NCAPG: variants seen among roughly 807,000 people sequenced by gnomAD.
NCAPG encodes non-SMC condensin I complex subunit G, also known as condensin complex subunit 3.
NCAPG carries 69 observed loss-of-function variants against 113.1 expected under a neutral mutation model. That is an observed-to-expected ratio of 0.61 (90% confidence interval 0.50 to 0.75). The LOEUF (loss-of-function observed/expected upper bound fraction) is 0.75. NCAPG is among the 30% of genes least tolerant of loss of function. The pLI is 0.00. For missense variants in NCAPG, 1,058 were observed against 1,177.0 expected, an observed-to-expected ratio of 0.90 and a Z score of 1.48; for synonymous variants, 370 against 415.8, an observed-to-expected ratio of 0.89 and a Z score of 1.34.
intron 12 of NCAPG, 37 bp downstream of exon 12, chr4:17,828,425 C>T: frequency 8.4e-7 from 1 of 1,187,268 alleles, no homozygotes; most frequent in South Asian, 1.4e-5. Flanking sequence ...TTTTAGTCCA[C>T]TCCTTTCTTA....
intron 7 of NCAPG, among the ~76,000 whole-genome samples, chr4:17,821,762 GCGACATTTT>G (rs976211328): frequency 9.1e-5 from 13 of 142,984 alleles, no homozygotes; most frequent in African/African-American, 3.6e-4. Flanking sequence ...ACTGTGCCCG[GCGACATTTT>G]TGACATTTTT....
intron 14 of NCAPG, 60 bp from the exon 15 acceptor site, chr4:17,837,099 T>C (rs1722129767): frequency 3.4e-6 from 5 of 1,482,768 alleles, no homozygotes; most frequent in Admixed American, 3.5e-5. Context: ...ACAGGCTACA[T>C]TGAGAGGCTT....
Position 17,817,254 on chromosome 4 carries a change from T to C in NCAPG, c.776-7T>C. On this transcript the variant is annotated splice_polypyrimidine_tract_variant and splice_region_variant and intron_variant, in intron 5 of 20. Coordinates refer to ENST00000251496, the MANE Select transcript of NCAPG (RefSeq NM_022346.5). ...TTTGTTCACCTATGTTTCAAATGAC[T>C]CAATAGATGCTGTGAAACAAGCTAT... 6.2e-7 allele frequency: 1 copy of C among 1,607,386 alleles called. No individual in the cohort carries two copies. Among genetic ancestry groups the C allele is most frequent in the South Asian group, 1.1e-5 (1 of 90,258 alleles).
Position 17,842,378 on chromosome 4 carries a change from A to G in NCAPG, c.2923A>G (p.Ser975Gly), listed in dbSNP as rs2109073853. The G allele has an allele frequency of 1.2e-5, 20 of 1,611,508 alleles. No homozygotes were observed. The highest frequency in any genetic ancestry group is 1.6e-5 in the Non-Finnish European group (19 of 1,177,958). Residue 975 changes from serine (S) to glycine (G), a missense_variant and splice_region_variant, in exon 20 of 21, where the codon AGT becomes GGT. Transcript: ENST00000251496. Reference protein sequence around the residue: ...RCQTAEADSESDHEVPEPESE... With the variant: ...RCQTAEADSEGDHEVPEPESE... ...TCAGACTGCTGAAGCCGACTCTGAA[A>G]GGTATGTCATGCATGTCTAGAATAT...
intron 13 of NCAPG, among the ~76,000 whole-genome samples, chr4:17,832,010 T>C (rs1037132477): frequency 3.3e-5 from 5 of 152,216 alleles, no homozygotes; most frequent in Non-Finnish European, 5.9e-5. Flanking sequence ...TCCTCAGCTT[T>C]GCTTTTGTAG....
intron 19 of NCAPG, chr4:17,841,296 C>A (rs1337724485): frequency 1.3e-5 from 2 of 151,958 alleles, no homozygotes; most frequent in Admixed American, 1.3e-4. Flanking sequence ...ATAAGGAACA[C>A]TAATAATCCC....
rs980151744 is a variant in NCAPG, at chr4:17,837,393, C to G, written c.2291+53C>G. 8 of 1,475,584 alleles carry G rather than the reference C, an allele frequency of 5.4e-6. No homozygotes were observed. In the African/African-American group the frequency reaches 1.1e-4, roughly 21 times the overall value. 91.4% of individuals were successfully genotyped at this position (1,475,584 alleles called of 1,614,324 possible). ...ATCTGACTTGACATCAAATTCAAGT[C>G]CCCCATGAATTATATCTATAATGAT... On this transcript the variant is annotated intron_variant, in intron 15 of 20. Coordinates refer to ENST00000251496, the MANE Select transcript of NCAPG (RefSeq NM_022346.5).
chr4:17,814,344 G>A (rs1012526615), intron 3 of NCAPG, among the ~76,000 whole-genome samples: 1 of 152,132 alleles, frequency 6.6e-6, no homozygotes, highest in Non-Finnish European at 1.5e-5. Flanking sequence ...AGTGACTCAG[G>A]CCTGTAATCT....
At position 17,817,458 on chromosome 4, in the gene NCAPG, A is replaced by C. The variant is rs747676910; in HGVS notation, c.968+5A>C. ...CTGTAAAAACAATGATGGCAGGTAC[A>C]TAAAGGATTCATTCTTTGAAATGTA... On this transcript the variant is annotated splice_donor_5th_base_variant and intron_variant, in intron 6 of 20. Coordinates refer to ENST00000251496, the MANE Select transcript of NCAPG (RefSeq NM_022346.5). 6.2e-7 allele frequency: 1 copy of C among 1,611,038 alleles called. No individual in the cohort carries two copies. Among genetic ancestry groups the C allele is most frequent in the Admixed American group, 1.7e-5 (1 of 59,662 alleles).
chr4:17,834,606 A>G (rs1011391443), intron 14 of NCAPG, 83 bp downstream of exon 14: 4 of 919,830 alleles, frequency 4.3e-6, no homozygotes, highest in African/African-American at 1.7e-5. Flanking sequence ...TAAATTTATT[A>G]TAGTTTAAGT....
chr4:17,817,485 T>C, intron 6 of NCAPG, 32 bp downstream of exon 6: 1 of 1,564,764 alleles, frequency 6.4e-7, no homozygotes, highest in Non-Finnish European at 8.8e-7. Context: ...TGAAATGTAG[T>C]ACTGATTAAC....
At chr4:17,828,652 T>C (rs1486057198) in intron 12 of NCAPG, among the ~76,000 whole-genome samples, 3 of 152,148 alleles carry the variant, frequency 2.0e-5, no homozygotes, top group Non-Finnish European at 4.4e-5. Flanking sequence ...AATATCTTCA[T>C]TTTTTGAATA....
intron 12 of NCAPG, among the ~76,000 whole-genome samples, chr4:17,830,558 T>TC (rs1404280358): frequency 6.6e-6 from 1 of 151,642 alleles, no homozygotes; most frequent in Non-Finnish European, 1.5e-5. Flanking sequence ...TTTCACTTTT[T>TC]TTTTTTTTTT....
rs544662982 is a variant in NCAPG at position 17,821,534 on chromosome 4, G to T, written c.1119-1449G>T. On this transcript the variant is annotated intron_variant, in intron 7 of 20. Coordinates refer to ENST00000251496, the MANE Select transcript of NCAPG (RefSeq NM_022346.5). The stretch of plus-strand genomic sequence containing the variant: ...GCTGGAGTGCAGTAGCGTGATCTTG[G>T]CTTACTGCAGCCTCTGCCTCCCAGG... Among the ~76,000 whole-genome samples, 203 of 147,332 alleles carry T rather than the reference G, an allele frequency of 1.4e-3. 1 individual carries two copies. Among genetic ancestry groups the T allele is most frequent in the African/African-American group, 4.8e-3 (192 of 39,802 alleles).
At chr4:17,819,720 G>C (rs1721373552) in intron 7 of NCAPG, among the ~76,000 whole-genome samples, 1 of 152,086 alleles carries the variant, frequency 6.6e-6, no homozygotes, top group Non-Finnish European at 1.5e-5. Flanking sequence ...TTTTAAAAAA[G>C]CTTCCATATA....
At chr4:17,833,634 A>G (rs1025373094) in intron 13 of NCAPG, among the ~76,000 whole-genome samples, 1 of 151,368 alleles carries the variant, frequency 6.6e-6, no homozygotes, top group South Asian at 2.1e-4. Context: ...ATATATATAT[A>G]TTTTTTGTAA....
In NCAPG at chr4:17,814,843, T is replaced by G. The variant is rs1204643202; in HGVS notation, c.545-10T>G. The stretch of plus-strand genomic sequence containing the variant: ...TTCATCAGTACTAAAATGTATTGCT[T>G]TATTTTTAGCATATGCTACTTTGAT... On this transcript the variant is annotated splice_polypyrimidine_tract_variant and intron_variant, in intron 3 of 20. Transcript: ENST00000251496. The G allele has an allele frequency of 3.1e-6, 5 of 1,612,016 alleles. No individual in the cohort carries two copies. Among genetic ancestry groups the G allele is most frequent in the Non-Finnish European group, 3.4e-6 (4 of 1,178,548 alleles).
At chr4:17,817,632 C>T (rs1183365495) in intron 6 of NCAPG, among the ~76,000 whole-genome samples, 179 bp downstream of exon 6, 1 of 152,016 alleles carries the variant, frequency 6.6e-6, no homozygotes, top group Non-Finnish European at 1.5e-5. Context: ...GGTGTAAGAA[C>T]TCATAACTTT....
Position 17,843,442 on chromosome 4 carries a change from G to A in NCAPG, c.*17G>A, listed in dbSNP as rs1051519639. On this transcript the variant is annotated 3_prime_UTR_variant, in exon 21 of 21. Transcript: ENST00000251496. ...CTAAGTTAGGAAAGACGATGGAGGT[G>A]GAATCCTTTAAGATTATGTCCAGTT... The A allele has an allele frequency of 6.2e-7, 1 of 1,609,036 alleles. No individual in the cohort carries two copies.
Sources: allele counts gnomAD v4.1 joint callset (sites outside exome capture counted in the v4.1 genomes callset), GRCh38; gene constraint gnomAD v4.1.1; transcripts MANE v1.5; gene names NCBI Gene and HGNC (gene_info 2026-07-23, HGNC 2026-07-21).